The following ABCF1 variants were observed in gnomAD, a reference collection of about 807,000 sequenced individuals.
ABCF1 encodes the protein ATP-binding cassette sub-family F member 1.
A neutral mutation model predicts 126.3 loss-of-function variants in ABCF1; 73 were observed. That is an observed-to-expected ratio of 0.58 (90% CI 0.48 to 0.70). The LOEUF (loss-of-function observed/expected upper bound fraction) is 0.70, where lower values mean the gene tolerates loss of function less well. ABCF1 is among the 30% of genes least tolerant of loss of function. The probability of loss-of-function intolerance (pLI) is 0.00; values close to 1 mark genes in which losing one functional copy is unlikely to be tolerated. For synonymous variants in ABCF1, 345 were observed against 396.4 expected, an observed-to-expected ratio of 0.87 and a Z score of 1.54; for missense variants, 786 against 1,057.5, an observed-to-expected ratio of 0.74 and a Z score of 3.56.
At chr6:30,578,869 G>A (rs1247781046) in intron 6 of ABCF1, among the ~76,000 whole-genome samples, 3 of 151,914 alleles carry the variant, frequency 2.0e-5, no homozygotes, top group Non-Finnish European at 2.9e-5. Context: ...GCGTGGTGGC[G>A]TGCGCCTGTA....
At chr6:30,577,480 A>G (rs747938373) in intron 2 of ABCF1, 25 bp downstream of exon 2, 24 of 1,611,264 alleles carry the variant, frequency 1.5e-5, no homozygotes, top group Non-Finnish European at 2.0e-5. Context: ...GTTGAGGATA[A>G]GAAATGACTA....
Position 30,580,516 on chromosome 6 carries a change from G to T in ABCF1, c.675G>T (p.Glu225Asp). 1 of 1,511,930 alleles carries T rather than the reference G, an allele frequency of 6.6e-7. No homozygotes were observed. The highest frequency in any genetic ancestry group is 1.8e-4 in the Middle Eastern group (1 of 5,692). 93.7% of individuals were successfully genotyped at this position (1,511,930 alleles called of 1,614,324 possible). A position where few individuals can be genotyped will look rare whatever the true frequency, so the allele number is the denominator to read the frequency against. Residue 225 changes from glutamate to aspartate, a missense_variant, in exon 8 of 25, where the codon GAG (glutamate) becomes GAT (aspartate). Transcript: ENST00000326195. ...GGAAGGAGAAGGCCAAGAAGGCAGA[G>T]CAGGTGTGTATTTGGTGTTGGGGCA... ...KQGKEKAKKA[E>D]QGSEEEGEGE... is the part of the protein sequence containing the mutation.
At chr6:30,588,822 C>T (rs1201028750) in intron 20 of ABCF1, among the ~76,000 whole-genome samples, 1 of 152,146 alleles carries the variant, frequency 6.6e-6, no homozygotes, top group Non-Finnish European at 1.5e-5. Context: ...AAACACTAAA[C>T]TTGCCACATG....
chr6:30,581,398 CTTTTTT>C (rs71552010), intron 8 of ABCF1, among the ~76,000 whole-genome samples: 1 of 84,868 alleles, frequency 1.2e-5, no homozygotes, highest in Admixed American at 1.5e-4. Flanking sequence ...GCTTCCTGAT[CTTTTTT>C]TTTTTTTTTT....
intron 1 of ABCF1, among the ~76,000 whole-genome samples, chr6:30,572,803 C>T (rs1417851998): frequency 2.0e-5 from 3 of 152,170 alleles, no homozygotes; most frequent in Non-Finnish European, 4.4e-5. Flanking sequence ...ATCTGCTCCC[C>T]AGAGTTTATT....
chr6:30,588,970 T>G (rs931492145), intron 20 of ABCF1, among the ~76,000 whole-genome samples: 3 of 152,118 alleles, frequency 2.0e-5, no homozygotes, highest in Non-Finnish European at 4.4e-5. Context: ...TCTTTTACTT[T>G]GCTCACCATG....
In ABCF1 at chr6:30,578,066, C is replaced by T; in HGVS notation, c.217-10C>T. On this transcript the variant is annotated splice_polypyrimidine_tract_variant and intron_variant, in intron 3 of 24. Coordinates refer to ENST00000326195, the MANE Select transcript of ABCF1 (RefSeq NM_001025091.2). ...GCTTCATTTTCTCACTGTTCTTTTGCTCTCAGCAGCAAAAAAAAAAGCGAG... is the reference window on the plus strand; with the variant it reads ...GCTTCATTTTCTCACTGTTCTTTTGTTCTCAGCAGCAAAAAAAAAAGCGAG... The T allele has an allele frequency of 9.9e-6, 16 of 1,613,696 alleles. No homozygotes were observed. Among genetic ancestry groups the T allele is most frequent in the Non-Finnish European group, 1.3e-5 (15 of 1,179,942 alleles).
intron 1 of ABCF1, among the ~76,000 whole-genome samples, chr6:30,576,276 CTTTTTTTTTTT>C (rs9256927): frequency 1.8e-4 from 8 of 44,158 alleles, no homozygotes; most frequent in Admixed American, 6.5e-4. Context: ...TCTGAGTGCT[CTTTTTTTTTTT>C]TTTTTTTTTT....
chr6:30,583,140 G>A lies in ABCF1; in HGVS notation c.867G>A (p.Ala289=), dbSNP rs376629027. The A allele has an allele frequency of 1.2e-5, 19 of 1,611,220 alleles. No individual in the cohort carries two copies. In the African/African-American group the frequency reaches 1.6e-4, roughly 14 times the overall value. The part of the protein sequence containing the change: ...AAENDFSVSQ[A]EMSSRQAMLE... ...AAAATGACTTCTCCGTGTCCCAGGC[G>A]GAGATGTCCTCCCGCCAAGCCATGT... The change falls in exon 10 of 25, where the codon GCG becomes GCA. Residue 289 remains alanine, a synonymous_variant. Coordinates refer to ENST00000326195, the MANE Select transcript of ABCF1 (RefSeq NM_001025091.2). The surrounding 1 kb of genome is among the most constrained non-coding windows in gnomAD (Gnocchi z 4.1).
chr6:30,582,640 G>A, intron 9 of ABCF1, 133 bp downstream of exon 9: 1 of 964,200 alleles, frequency 1.0e-6, no homozygotes, highest in South Asian at 1.6e-5. Flanking sequence ...GAAAATAATT[G>A]TGTTCTGTGA....
At chr6:30,577,749 G>T (rs561953677) in intron 2 of ABCF1, 69 bp from the exon 3 acceptor site, 4 of 1,478,950 alleles carry the variant, frequency 2.7e-6, no homozygotes, top group Non-Finnish European at 2.8e-6. Context: ...GGGCCAATGT[G>T]TGGCAGAGCA....
chr6:30,584,113 CAG>C lies in ABCF1; in HGVS notation c.1103-77_1103-76del, dbSNP rs1801978249. 4 of 1,550,934 alleles carry C rather than the reference CAG, an allele frequency of 2.6e-6. No homozygotes were observed. The highest frequency in any genetic ancestry group is 3.5e-6 in the Non-Finnish European group (4 of 1,151,584). On this transcript the variant is annotated intron_variant, in intron 12 of 24. Transcript: ENST00000326195. This position sits in a 1 kb window ranked among gnomAD's most constrained non-coding sequence, Gnocchi z 4.6. ...AAGAGCTGGGCAGGGTCAGGCAAAACAGAAATGTAATTGAAGGGAAAGAAAGA... is the reference window on the plus strand; with the variant it reads ...AAGAGCTGGGCAGGGTCAGGCAAAACAAATGTAATTGAAGGGAAAGAAAGA...
In ABCF1 at chr6:30,578,346, A is replaced by G; in HGVS notation, c.344-2A>G. 6.2e-7 allele frequency: 1 copy of G among 1,614,148 alleles called. No homozygotes were observed. The highest frequency in any genetic ancestry group is 8.5e-7 in the Non-Finnish European group (1 of 1,180,032). The stretch of plus-strand genomic sequence containing the variant: ...TCTCATGTTCTCCCCCTGTCATTTC[A>G]GTACCCGCCCCAAAACCCCGCGGAG... On this transcript the variant is annotated splice_acceptor_variant, in intron 4 of 24. Coordinates refer to ENST00000326195, the MANE Select transcript of ABCF1 (RefSeq NM_001025091.2). LOFTEE classifies it high-confidence loss of function.
At chr6:30,572,630 A>G (rs1801310930) in intron 1 of ABCF1, among the ~76,000 whole-genome samples, 1 of 152,156 alleles carries the variant, frequency 6.6e-6, no homozygotes, top group Non-Finnish European at 1.5e-5. Context: ...CAGTCTCCCA[A>G]GTAGTTGAGA....
In ABCF1 at chr6:30,586,025, A is replaced by G; in HGVS notation, c.1713+34A>G. On this transcript the variant is annotated intron_variant, in intron 17 of 24. Coordinates refer to ENST00000326195, the MANE Select transcript of ABCF1 (RefSeq NM_001025091.2). The surrounding 1 kb of genome is among the most constrained non-coding windows in gnomAD (Gnocchi z 4.9). The stretch of plus-strand genomic sequence containing the variant: ...CTGAGGGACTTCTGGGCTGGGGGCC[A>G]CTGTTCTCTCCTGGCAGTGGAGGAA... 6.3e-7 allele frequency: 1 copy of G among 1,596,858 alleles called. No individual in the cohort carries two copies. The highest frequency in any genetic ancestry group is 1.3e-5 in the African/African-American group (1 of 74,356).
At chr6:30,575,558 G>A (rs577076478) in intron 1 of ABCF1, among the ~76,000 whole-genome samples, 4 of 152,036 alleles carry the variant, frequency 2.6e-5, no homozygotes, top group Admixed American at 2.0e-4. Context: ...GATGGAGAGG[G>A]GGAGAGCTAG....
intron 20 of ABCF1, chr6:30,589,436 T>G: frequency 1.8e-6 from 1 of 565,192 alleles, no homozygotes; most frequent in Non-Finnish European, 3.1e-6. Context: ...ATCCCGTCTC[T>G]ACTAAAAATA....
chr6:30,590,736 T>C lies in ABCF1; in HGVS notation c.*35T>C. ...CCCAGAAGTCTCCCGAGAGACATAT[T>C]TGTGTGGCCTAGAAGTCCTCTGTGG... On this transcript the variant is annotated 3_prime_UTR_variant, in exon 25 of 25. Transcript: ENST00000326195. 1.3e-6 allele frequency: 2 copies of C among 1,577,016 alleles called. No individual in the cohort carries two copies. Among genetic ancestry groups the C allele is most frequent in the Middle Eastern group, 1.9e-4 (1 of 5,274 alleles).
At chr6:30,576,617 C>G (rs1233244088) in intron 1 of ABCF1, among the ~76,000 whole-genome samples, 2 of 151,982 alleles carry the variant, frequency 1.3e-5, no homozygotes, top group Non-Finnish European at 2.9e-5. Flanking sequence ...ACCTCTAGCC[C>G]CATCCTATGA....
Sources: allele counts gnomAD v4.1 joint callset (sites outside exome capture counted in the v4.1 genomes callset), GRCh38; gene constraint gnomAD v4.1.1; non-coding constraint Gnocchi (gnomAD v3.1); transcripts MANE v1.5; gene names NCBI Gene and HGNC (gene_info 2026-07-23, HGNC 2026-07-21).